HDAC9: variants seen among roughly 807,000 people sequenced by gnomAD.
HDAC9 encodes the protein histone deacetylase 9.
In HDAC9, 41 loss-of-function variants were observed where a neutral mutation model predicts 139.4. That is an observed-to-expected ratio of 0.29 (90% CI 0.23 to 0.38). HDAC9 has a LOEUF of 0.38. Among genes scored for constraint, HDAC9 ranks in the 10% least tolerant of loss-of-function variants. The pLI is 1.00. For synonymous variants in HDAC9, 517 were observed against 476.2 expected (o/e 1.09, Z -1.12); for missense variants, 1,147 against 1,297.0 (o/e 0.88, Z 1.78).
intron 12 of HDAC9, among the ~76,000 whole-genome samples, chr7:18,685,274 A>G (rs894155474): frequency 6.6e-6 from 1 of 151,990 alleles, no homozygotes; most frequent in Non-Finnish European, 1.5e-5. Flanking sequence ...TTCTAACTAT[A>G]TCACTCCCTT....
At chr7:18,984,055 T>C (rs934626842) in intron 25 of HDAC9, among the ~76,000 whole-genome samples, 12 of 152,168 alleles carry the variant, frequency 7.9e-5, no homozygotes, top group African/African-American at 2.9e-4. Context: ...TGCTTTCTCA[T>C]GTCTCCCTTA....
intron 2 of HDAC9, among the ~76,000 whole-genome samples, chr7:18,580,067 A>G (rs1473357367): frequency 6.6e-6 from 1 of 152,188 alleles, no homozygotes; most frequent in African/African-American, 2.4e-5. Flanking sequence ...GAAGTAAGAA[A>G]TACTCTGTGG....
Position 18,495,965 on chromosome 7 carries a change from G to T in HDAC9, c.-100G>T. 1 of 1,258,862 alleles carries T rather than the reference G, an allele frequency of 7.9e-7. No homozygotes were observed. Among genetic ancestry groups the T allele is most frequent in the Non-Finnish European group, 1.0e-6 (1 of 1,003,698 alleles). 78.0% of individuals were successfully genotyped at this position (1,258,862 alleles called of 1,614,324 possible). A position where few individuals can be genotyped will look rare whatever the true frequency, so the allele number is the denominator to read the frequency against. On this transcript the variant is annotated 5_prime_UTR_variant, in exon 1 of 26. Transcript: ENST00000686413. ...TTTCCCACCTGCTTGTAGTTTCCGGGATAACCTAAACTCCAGAGAGCTATA... is the reference window on the plus strand; with the variant it reads ...TTTCCCACCTGCTTGTAGTTTCCGGTATAACCTAAACTCCAGAGAGCTATA...
chr7:18,162,855 C>A (rs1159837142), intron 2 of HDAC9, among the ~76,000 whole-genome samples: 2 of 152,162 alleles, frequency 1.3e-5, no homozygotes, highest in Non-Finnish European at 2.9e-5. Context: ...TCAGCACCTG[C>A]TTCCTCCTAT....
intron 2 of HDAC9, among the ~76,000 whole-genome samples, chr7:18,531,393 A>G (rs188511059): frequency 6.6e-6 from 1 of 152,274 alleles, no homozygotes; most frequent in African/African-American, 2.4e-5. Context: ...ACCACTTGAC[A>G]TAAACTGCAG....
intron 1 of HDAC9, among the ~76,000 whole-genome samples, chr7:18,128,576 T>C (rs1456306837): frequency 6.6e-6 from 1 of 152,040 alleles, no homozygotes; most frequent in Non-Finnish European, 1.5e-5. Context: ...ACAAAAAGCA[T>C]CTGAACTATG....
intron 6 of HDAC9, among the ~76,000 whole-genome samples, chr7:18,595,331 A>G (rs1583853430): frequency 6.8e-6 from 1 of 147,284 alleles, no homozygotes; most frequent in East Asian, 1.9e-4. Flanking sequence ...ATTCCACCCT[A>G]TTATCTGCAA....
chr7:18,108,941 A>G (rs749767324), intron 1 of HDAC9, among the ~76,000 whole-genome samples: 57 of 152,140 alleles, frequency 3.7e-4, no homozygotes, highest in Non-Finnish European at 8.8e-5. Context: ...TATCAGGAAT[A>G]TGTTAGCCAG....
At chr7:18,366,159 A>T (rs901055270) in intron 1 of HDAC9, among the ~76,000 whole-genome samples, 96 of 152,184 alleles carry the variant, frequency 6.3e-4, no homozygotes, top group African/African-American at 1.7e-3. Flanking sequence ...TTTATGTATT[A>T]TATAGAGATA....
At chr7:18,553,978 C>T (rs546898374) in intron 2 of HDAC9, among the ~76,000 whole-genome samples, 1 of 152,128 alleles carries the variant, frequency 6.6e-6, no homozygotes, top group African/African-American at 2.4e-5. Context: ...TTAGGTAGGG[C>T]AGTTCTTTTC....
intron 2 of HDAC9, among the ~76,000 whole-genome samples, chr7:18,172,250 C>G (rs186950727): frequency 1.3e-5 from 2 of 151,990 alleles, no homozygotes; most frequent in Admixed American, 6.6e-5. Context: ...TTATAGTATT[C>G]TATTCTCTGA....
chr7:18,124,673 A>G (rs1437126423), intron 1 of HDAC9, among the ~76,000 whole-genome samples: 1 of 151,984 alleles, frequency 6.6e-6, no homozygotes, highest in East Asian at 1.9e-4. Context: ...GGTTCATTTC[A>G]CTTTATTTAT....
chr7:18,326,197 A>T (rs1292170927), intron 1 of HDAC9, among the ~76,000 whole-genome samples: 1 of 152,052 alleles, frequency 6.6e-6, no homozygotes, highest in Non-Finnish European at 1.5e-5. Flanking sequence ...TTATTGTCTT[A>T]TTTCAAGTTT....
At chr7:18,975,431 T>C (rs550179077) in intron 24 of HDAC9, among the ~76,000 whole-genome samples, 166 of 152,334 alleles carry the variant, frequency 1.1e-3, no homozygotes, top group African/African-American at 3.5e-3. Flanking sequence ...TACGATTCCA[T>C]TCATGTTCTC....
intron 1 of HDAC9, among the ~76,000 whole-genome samples, chr7:18,433,513 A>G (rs1790877440): frequency 6.6e-6 from 1 of 152,176 alleles, no homozygotes; most frequent in East Asian, 1.9e-4. Context: ...GTCTCTGCTC[A>G]AAAGCTATAG....
At position 18,585,423 on chromosome 7, in the gene HDAC9, G is replaced by T; in HGVS notation, c.165G>T (p.Gln55His). ...QLQQELLLIQQQQQIQKQLLI... is the reference protein window; with the variant it reads ...QLQQELLLIQHQQQIQKQLLI... ...AGCAGGAATTACTTCTTATCCAGCA[G>T]CAGCAACAAATCCAGAAGCAGCTTC... The change falls in exon 3 of 26, where the codon CAG becomes CAT. Residue 55 changes from glutamine (Q) to histidine (H), a missense_variant. Around this residue, in one of 7 missense-constraint regions of HDAC9, gnomAD observed 136 missense variants for 183.5 expected, o/e 0.74. Transcript: ENST00000686413. 1.9e-6 allele frequency: 3 copies of T among 1,613,998 alleles called. No homozygotes were observed. Among genetic ancestry groups the T allele is most frequent in the Non-Finnish European group, 2.5e-6 (3 of 1,179,896 alleles).
intron 2 of HDAC9, among the ~76,000 whole-genome samples, chr7:18,535,722 C>CAAAAAAAAAAAAAAA (rs72123660): frequency 2.0e-5 from 1 of 49,232 alleles, no homozygotes; most frequent in Non-Finnish European, 3.5e-5. Context: ...AGGCATTAAG[C>CAAAAAAAAAAAAAAA]AAAAAAAAAA....
chr7:18,744,870 T>A (rs1470362655), intron 13 of HDAC9, among the ~76,000 whole-genome samples: 1 of 152,024 alleles, frequency 6.6e-6, no homozygotes, highest in Non-Finnish European at 1.5e-5. Context: ...AATATATATA[T>A]AATACGTATT....
intron 1 of HDAC9, among the ~76,000 whole-genome samples, chr7:18,348,603 T>C (rs578144728): frequency 6.6e-6 from 1 of 152,334 alleles, no homozygotes; most frequent in South Asian, 2.1e-4. Context: ...ATCACACATC[T>C]GTTGTTCTGA....
Sources: allele counts gnomAD v4.1 joint callset (sites outside exome capture counted in the v4.1 genomes callset), GRCh38; gene constraint gnomAD v4.1.1; regional missense constraint gnomAD v4.1.1; transcripts MANE v1.5; gene names NCBI Gene and HGNC (gene_info 2026-07-23, HGNC 2026-07-21).